Variants in PHLDA1 observed in about 807,000 individuals in gnomAD.
The protein encoded by PHLDA1 is pleckstrin homology like domain family A member 1, also known as pleckstrin homology-like domain family A member 1.
Under a neutral mutation model 33.8 loss-of-function variants are expected in PHLDA1, and 28 were observed. The ratio of observed to expected loss-of-function variants is 0.83; its 90% confidence interval spans 0.61 to 1.14. PHLDA1 has a LOEUF of 1.14. Among genes scored for constraint, PHLDA1 ranks in the 50% most tolerant of loss-of-function variants. The pLI is 0.00. For synonymous variants in PHLDA1, 271 were observed against 243.6 expected, an observed-to-expected ratio of 1.11 and a Z score of -1.05; for missense variants, 595 against 548.6, an observed-to-expected ratio of 1.08 and a Z score of -0.84.
exon 1 of PHLDA1, chr12:76,030,704 C>T (rs886344062): frequency 4.3e-6 from 5 of 1,166,820 alleles, no homozygotes; most frequent in African/African-American, 1.5e-5. Flanking sequence ...GGTGGAGCTG[C>T]TGGGGCTGAG....
rs150721044 is a variant in PHLDA1 at position 76,031,107 on chromosome 12, G to T, written c.635C>A (p.Pro212Gln). The T allele has an allele frequency of 6.2e-7, 1 of 1,609,736 alleles. No homozygotes were observed. The highest frequency in any genetic ancestry group is 2.2e-5 in the East Asian group (1 of 44,876). The change falls in exon 1 of 2, where the codon CCG becomes CAG. Residue 212 changes from proline (P) to glutamine (Q), a missense_variant. Transcript: ENST00000266671. The surrounding 1 kb of genome is among the most constrained non-coding windows in gnomAD (Gnocchi z 5.4). Reference sequence around the variant, plus strand: ...GACAGCGGGGCCACTGGGTTGGGACGGCTCGGCCGGCCCCTGCCCGGGCTG... The same window carrying T: ...GACAGCGGGGCCACTGGGTTGGGACTGCTCGGCCGGCCCCTGCCCGGGCTG...
rs1341700974 is a variant in PHLDA1 at position 76,031,003 on chromosome 12, C to T, written c.739G>A (p.Gly247Ser). The T allele has an allele frequency of 6.2e-7, 1 of 1,613,572 alleles. No homozygotes were observed. Among genetic ancestry groups the T allele is most frequent in the Admixed American group, 1.7e-5 (1 of 60,030 alleles). ...ACCACAGTGAAGTACATGTACTTGCCCTTGCGCTCCACACAGTCCACGGTC... is the reference window on the plus strand; with the variant it reads ...ACCACAGTGAAGTACATGTACTTGCTCTTGCGCTCCACACAGTCCACGGTC... Residue 247 changes from glycine (G) to serine (S), a missense_variant, in exon 1 of 2, where the codon GGC becomes AGC. By Grantham distance (56) the Gly-to-Ser change is moderately conservative (BLOSUM62 0). Coordinates refer to ENST00000266671, the Ensembl canonical transcript of PHLDA1. The surrounding 1 kb of genome is among the most constrained non-coding windows in gnomAD (Gnocchi z 5.4).
At chr12:76,029,669 C>A (rs1288859919) in exon 2 of PHLDA1, 1 of 152,574 alleles carries the variant, frequency 6.6e-6, no homozygotes, top group African/African-American at 2.4e-5. Flanking sequence ...ATGTTTTCCC[C>A]TCCACCGCCC....
exon 2 of PHLDA1, chr12:76,027,237 T>C (rs996262210): frequency 1.3e-5 from 2 of 152,174 alleles, no homozygotes; most frequent in Non-Finnish European, 1.5e-5. Context: ...GGACATTAAA[T>C]GATGTACATT....
chr12:76,028,673 AG>A (rs1870827152), exon 2 of PHLDA1: 1 of 152,690 alleles, frequency 6.5e-6, no homozygotes, highest in Admixed American at 6.5e-5. Context: ...CCATGCAAAT[AG>A]GAAGTGATTT....
chr12:76,029,309 T>C (rs1024617761), exon 2 of PHLDA1: 3 of 152,190 alleles, frequency 2.0e-5, no homozygotes, highest in Non-Finnish European at 4.4e-5. Flanking sequence ...ATTAAGCCCT[T>C]TACACACAGA....
In PHLDA1 at chr12:76,031,084, C is replaced by T; in HGVS notation, c.658G>A (p.Val220Ile). Residue 220 changes from valine (V) to isoleucine (I), a missense_variant, in exon 1 of 2, where the codon GTC (valine) becomes ATC (isoleucine). Physicochemically the swap from Val to Ile is conservative, Grantham distance 29. Transcript: ENST00000266671. The surrounding 1 kb of genome is among the most constrained non-coding windows in gnomAD (Gnocchi z 5.4). ...TTGACCGGCGGCTCGAGGCTGGCGA[C>T]AGCGGGGCCACTGGGTTGGGACGGC... The T allele has an allele frequency of 6.2e-7, 1 of 1,610,000 alleles. No individual in the cohort carries two copies. The highest frequency in any genetic ancestry group is 8.5e-7 in the Non-Finnish European group (1 of 1,179,918).
chr12:76,031,115 C>A lies in PHLDA1; in HGVS notation c.627G>T (p.Pro209=), dbSNP rs1175247919. ...GGCCACTGGGTTGGGACGGCTCGGC[C>A]GGCCCCTGCCCGGGCTGTTGTTGCT... Residue 209 remains proline, a synonymous_variant, in exon 1 of 2, where the codon CCG becomes CCT. Coordinates refer to ENST00000266671, the Ensembl canonical transcript of PHLDA1. This position sits in a 1 kb window ranked among gnomAD's most constrained non-coding sequence, Gnocchi z 5.4. 8.1e-6 allele frequency: 13 copies of A among 1,608,562 alleles called. No homozygotes were observed. The South Asian group carries it at 8.8e-5, about 11-fold the overall frequency.
chr12:76,030,864 T>TTGAC lies in PHLDA1; in HGVS notation c.874_877dup (p.Lys293SerfsTer125). ...GTGCTGCTGCTTCTGCCGCGTGGAT[T>TTGAC]TGACCGCCAGGATGGCCTGACGATT... On this transcript the variant is annotated frameshift_variant, in exon 1 of 2. Transcript: ENST00000266671. LOFTEE classifies it high-confidence loss of function. 1 of 1,608,812 alleles carries TTGAC rather than the reference T, an allele frequency of 6.2e-7. No individual in the cohort carries two copies. Among genetic ancestry groups the TTGAC allele is most frequent in the Non-Finnish European group, 8.5e-7 (1 of 1,177,476 alleles).
rs547803190 is a variant in PHLDA1, at chr12:76,028,582, G to A, written c.*1537C>T. 5.2e-5 allele frequency: 8 copies of A among 152,588 alleles called. No individual in the cohort carries two copies. In the South Asian group the frequency reaches 8.3e-4, roughly 16 times the overall value. The allele number at this position is 152,588 out of a possible 1,614,324, so 9.5% of individuals were successfully genotyped here. On this transcript the variant is annotated 3_prime_UTR_variant, in exon 2 of 2. Coordinates refer to ENST00000266671, the Ensembl canonical transcript of PHLDA1. ...ACCTAGCAGTGGTCTAATACTGACC[G>A]TTTCAATTTAAATGCTGGAAAAATA...
exon 2 of PHLDA1, chr12:76,026,785 A>C (rs1279818602): frequency 1.3e-5 from 2 of 152,238 alleles, no homozygotes; most frequent in African/African-American, 4.8e-5. Flanking sequence ...ACCCAGATCT[A>C]AATGGATTTC....
chr12:76,031,373 G>A lies in PHLDA1; in HGVS notation c.369C>T (p.Arg123=). Residue 123 remains arginine, a synonymous_variant, in exon 1 of 2, where the codon CGC becomes CGT. Coordinates refer to ENST00000266671, the Ensembl canonical transcript of PHLDA1. The surrounding 1 kb of genome is among the most constrained non-coding windows in gnomAD (Gnocchi z 5.4). ...GCTCGGCCTCTCCGTTTCCAGCCGC[G>A]CGGGCCGGGGGCAGCAGCAGCAGCC... 6.2e-7 allele frequency: 1 copy of A among 1,607,968 alleles called. No homozygotes were observed. Among genetic ancestry groups the A allele is most frequent in the Non-Finnish European group, 8.5e-7 (1 of 1,177,988 alleles).
chr12:76,028,230 T>TCA (rs1870818913), exon 2 of PHLDA1: 1 of 152,156 alleles, frequency 6.6e-6, no homozygotes, highest in South Asian at 2.1e-4. Flanking sequence ...ACACATGTTC[T>TCA]CATATATGTA....
In PHLDA1 at chr12:76,031,511, C is replaced by A; in HGVS notation, c.231G>T (p.Leu77=). The A allele has an allele frequency of 6.6e-7, 1 of 1,517,162 alleles. No homozygotes were observed. The allele number at this position is 1,517,162 out of a possible 1,614,324, so 94.0% of individuals were successfully genotyped here. A position where few individuals can be genotyped will look rare whatever the true frequency, so the allele number is the denominator to read the frequency against. ...GCGGCTCTGGGTCCCGGCAGAGGGACAGCCGCGTCCTGATGCGCCACAAGG... is the reference window on the plus strand; with the variant it reads ...GCGGCTCTGGGTCCCGGCAGAGGGAAAGCCGCGTCCTGATGCGCCACAAGG... Residue 77 remains leucine (L), a synonymous_variant, in exon 1 of 2, where the codon CTG becomes CTT. Coordinates refer to ENST00000266671, the Ensembl canonical transcript of PHLDA1. The surrounding 1 kb of genome is among the most constrained non-coding windows in gnomAD (Gnocchi z 5.4).
chr12:76,027,244 CA>C (rs1347607005), exon 2 of PHLDA1: 3 of 152,022 alleles, frequency 2.0e-5, no homozygotes, highest in African/African-American at 7.3e-5. Context: ...AAATGATGTA[CA>C]TTTATATTTT....
In PHLDA1 at chr12:76,031,159, GC is replaced by G. The variant is rs763714529; in HGVS notation, c.582del (p.Gln194HisfsTer44). 7.6e-4 allele frequency: 44 copies of G among 57,806 alleles called. No homozygotes were observed. The highest frequency in any genetic ancestry group is 4.2e-3 in the African/African-American group (5 of 1,186). 3.6% of individuals were successfully genotyped at this position (57,806 alleles called of 1,614,324 possible). A position where few individuals can be genotyped will look rare whatever the true frequency, so the allele number is the denominator to read the frequency against. On this transcript the variant is annotated frameshift_variant, in exon 1 of 2. Transcript: ENST00000266671. LOFTEE classifies it high-confidence loss of function. This position sits in a 1 kb window ranked among gnomAD's most constrained non-coding sequence, Gnocchi z 5.4. ...TGTTGCTGCTGCTGCTGCTGCTGTT[GC>G]TGCTGCTGCTGCTGGTGTTGCAGCT... is the stretch of plus-strand genomic sequence containing the variant.
chr12:76,031,107 G>A lies in PHLDA1; in HGVS notation c.635C>T (p.Pro212Leu), dbSNP rs150721044. The stretch of plus-strand genomic sequence containing the variant: ...GACAGCGGGGCCACTGGGTTGGGAC[G>A]GCTCGGCCGGCCCCTGCCCGGGCTG... The change falls in exon 1 of 2, where the codon CCG becomes CTG. Residue 212 changes from proline to leucine, a missense_variant. Pro to Leu is a moderately conservative substitution (Grantham distance 98, BLOSUM62 -3). This residue lies in a region of PHLDA1 where 328 missense variants were observed against 295.7 expected (regional missense o/e 1.11). Transcript: ENST00000266671. The surrounding 1 kb of genome is among the most constrained non-coding windows in gnomAD (Gnocchi z 5.4). 1.1e-4 allele frequency: 182 copies of A among 1,609,616 alleles called. No homozygotes were observed. Among genetic ancestry groups the A allele is most frequent in the Non-Finnish European group, 1.3e-4 (158 of 1,179,844 alleles).
At chr12:76,030,271 T>C (rs927693423) in intron 1 of PHLDA1, among the ~76,000 whole-genome samples, 179 bp from the exon 2 acceptor site, 4 of 152,114 alleles carry the variant, frequency 2.6e-5, no homozygotes, top group Non-Finnish European at 5.9e-5. Context: ...ACGGTCGTGA[T>C]GGGCGCGGGC....
At chr12:76,026,884 A>T (rs1870785480) in exon 2 of PHLDA1, 1 of 152,216 alleles carries the variant, frequency 6.6e-6, no homozygotes, top group Non-Finnish European at 1.5e-5. Context: ...GAGAGCAAAG[A>T]AAAGGAACAC....
Sources: allele counts gnomAD v4.1 joint callset (sites outside exome capture counted in the v4.1 genomes callset), GRCh38; gene constraint gnomAD v4.1.1; regional missense constraint gnomAD v4.1.1; non-coding constraint Gnocchi (gnomAD v3.1); transcripts MANE v1.5; gene names NCBI Gene and HGNC (gene_info 2026-07-23, HGNC 2026-07-21).